The following TMEM132D variants were observed in gnomAD, a reference collection of about 807,000 sequenced individuals.
TMEM132D encodes transmembrane protein 132D, also known as mature OL transmembrane protein.
TMEM132D carries 21 observed loss-of-function variants against 62.3 expected under a neutral mutation model. The ratio of observed to expected loss-of-function variants is 0.34; its 90% CI spans 0.24 to 0.49. The LOEUF (loss-of-function observed/expected upper bound fraction) is 0.49, where lower values mean the gene tolerates loss of function less well. Ranked by LOEUF, TMEM132D falls within the 20% of genes least tolerant of loss-of-function variation. The pLI is 0.99. For missense variants in TMEM132D, 1,346 were observed against 1,402.8 expected (o/e 0.96, Z 0.65); for synonymous variants, 621 against 575.6 (o/e 1.08, Z -1.13).
chr12:129,340,794 G>A (rs1869451775), intron 3 of TMEM132D, among the ~76,000 whole-genome samples: 1 of 152,194 alleles, frequency 6.6e-6, no homozygotes. Flanking sequence ...GCACACGTAT[G>A]TTTATTGCGG....
At chr12:129,408,922 T>C (rs1871879135) in intron 3 of TMEM132D, among the ~76,000 whole-genome samples, 1 of 151,838 alleles carries the variant, frequency 6.6e-6, no homozygotes, top group Non-Finnish European at 1.5e-5. Flanking sequence ...TTTTTGTTTT[T>C]GTTTTTGTTT....
At chr12:129,276,064 C>T (rs906080232) in intron 4 of TMEM132D, among the ~76,000 whole-genome samples, 2 of 148,392 alleles carry the variant, frequency 1.3e-5, no homozygotes, top group Admixed American at 6.8e-5. Flanking sequence ...TTTGTTTTCT[C>T]AAGACAGAAG....
chr12:129,087,889 CGGGGTGTCCTCCCTGACCG>C (rs1874678766), intron 5 of TMEM132D, among the ~76,000 whole-genome samples: 6 of 70,054 alleles, frequency 8.6e-5, no homozygotes, highest in South Asian at 5.2e-4. Context: ...CCTCCCTGAC[CGGGGTGTCCTCCCTGACCG>C]GGGTGTCCTC....
chr12:129,627,575 T>C (rs554348339), intron 2 of TMEM132D, among the ~76,000 whole-genome samples: 2 of 152,280 alleles, frequency 1.3e-5, no homozygotes, highest in East Asian at 3.9e-4. Flanking sequence ...AGAAACCTTT[T>C]TTTTAGAGAA....
At chr12:129,302,180 T>C (rs925619318) in intron 4 of TMEM132D, among the ~76,000 whole-genome samples, 1 of 152,254 alleles carries the variant, frequency 6.6e-6, no homozygotes, top group Non-Finnish European at 1.5e-5. Context: ...AATGGCATGA[T>C]CTCGGCTCAC....
Position 129,530,991 on chromosome 12 carries a change from A to G in TMEM132D, c.1115+68T>C, listed in dbSNP as rs920447716. The G allele has an allele frequency of 2.6e-4, 224 of 846,214 alleles. No homozygotes were observed. The East Asian group carries it at 8.7e-3, about 33-fold the overall frequency. The allele number at this position is 846,214 out of a possible 1,614,324, so 52.4% of individuals were successfully genotyped here. On this transcript the variant is annotated intron_variant, in intron 3 of 8. Coordinates refer to ENST00000422113, the MANE Select transcript of TMEM132D (RefSeq NM_133448.3). ...TGGAAATGGTTGTTAGCAATCTAGGAAAAAAAAAAAAAAATCAGGCCACAT... is the reference window on the plus strand; with the variant it reads ...TGGAAATGGTTGTTAGCAATCTAGGGAAAAAAAAAAAAAATCAGGCCACAT...
At chr12:129,884,632 A>T (rs537340986) in intron 1 of TMEM132D, among the ~76,000 whole-genome samples, 47 of 152,384 alleles carry the variant, frequency 3.1e-4, no homozygotes, top group Non-Finnish European at 5.7e-4. Context: ...GTTGGCAAGA[A>T]TGTGGAACAG....
intron 2 of TMEM132D, among the ~76,000 whole-genome samples, chr12:129,660,154 T>TAA (rs1443473898): frequency 1.3e-5 from 2 of 151,926 alleles, no homozygotes; most frequent in African/African-American, 4.8e-5. Context: ...TCATGTATTG[T>TAA]AAAAGAGAGA....
intron 2 of TMEM132D, among the ~76,000 whole-genome samples, chr12:129,605,276 A>G (rs1459856313): frequency 6.6e-6 from 1 of 152,096 alleles, no homozygotes; most frequent in Non-Finnish European, 1.5e-5. Context: ...TGGGGACATT[A>G]GTTTTACCAC....
intron 2 of TMEM132D, among the ~76,000 whole-genome samples, chr12:129,695,544 T>C (rs922027141): frequency 6.6e-6 from 1 of 152,202 alleles, no homozygotes; most frequent in Non-Finnish European, 1.5e-5. Context: ...TGGACATTGG[T>C]ATAATTTGAA....
chr12:129,395,128 CA>C (rs767651643), intron 3 of TMEM132D, among the ~76,000 whole-genome samples: 1 of 151,982 alleles, frequency 6.6e-6, no homozygotes, highest in African/African-American at 2.4e-5. Flanking sequence ...ATGGGAGACA[CA>C]AAAGAGAAAT....
chr12:129,358,177 G>A (rs928416211), intron 3 of TMEM132D, among the ~76,000 whole-genome samples: 3 of 152,080 alleles, frequency 2.0e-5, no homozygotes, highest in African/African-American at 7.2e-5. Flanking sequence ...AAAAACAACT[G>A]GAAAGGTTGT....
At chr12:129,118,978 A>G (rs1875978778) in intron 5 of TMEM132D, among the ~76,000 whole-genome samples, 1 of 152,190 alleles carries the variant, frequency 6.6e-6, no homozygotes, top group South Asian at 2.1e-4. Flanking sequence ...AATGGAGTGC[A>G]CTTAGAAAGG....
At chr12:129,832,414 A>G (rs1323375710) in intron 1 of TMEM132D, among the ~76,000 whole-genome samples, 1 of 152,064 alleles carries the variant, frequency 6.6e-6, no homozygotes, top group Admixed American at 6.6e-5. Context: ...ATAACATGGT[A>G]TATAACATAT....
rs1873661331 is a variant in TMEM132D at position 129,461,316 on chromosome 12, A to G, written c.1115+69743T>C. 2.6e-5 allele frequency among the ~76,000 whole-genome samples: 4 copies of G among 152,144 alleles called. No homozygotes were observed. In the South Asian group the frequency reaches 8.3e-4, roughly 32 times the overall value. ...CTCTGGGAACCAAGCCCAGGTATAC[A>G]ATTGTACCTGAGAATCTCAGGGGAT... On this transcript the variant is annotated intron_variant, in intron 3 of 8. Transcript: ENST00000422113.
chr12:129,152,680 G>A (rs551500849), intron 5 of TMEM132D, among the ~76,000 whole-genome samples: 1 of 152,280 alleles, frequency 6.6e-6, no homozygotes, highest in East Asian at 1.9e-4. Context: ...CTGTGGGCCT[G>A]GGTGTAGGCT....
At chr12:129,585,960 T>C (rs1878019515) in intron 2 of TMEM132D, among the ~76,000 whole-genome samples, 1 of 152,136 alleles carries the variant, frequency 6.6e-6, no homozygotes, top group Non-Finnish European at 1.5e-5. Flanking sequence ...CATCCTATTA[T>C]ATGTCAAAAT....
At chr12:129,464,100 A>C (rs1174531681) in intron 3 of TMEM132D, among the ~76,000 whole-genome samples, 6 of 149,706 alleles carry the variant, frequency 4.0e-5, no homozygotes, top group African/African-American at 1.5e-4. Context: ...AACAGTGTAA[A>C]AGTGTTCCTA....
intron 3 of TMEM132D, among the ~76,000 whole-genome samples, chr12:129,349,816 G>T (rs150713867): frequency 3.7e-4 from 57 of 152,242 alleles, no homozygotes; most frequent in Admixed American, 2.0e-3. Flanking sequence ...CTTGCTAAAG[G>T]AAATAATTCC....
Sources: gnomAD v4.1 joint callset for allele counts (sites outside exome capture counted in the v4.1 genomes callset) on GRCh38, gnomAD v4.1.1 for gene constraint, MANE v1.5 for transcripts, NCBI Gene and HGNC (gene_info 2026-07-23, HGNC 2026-07-21) for gene names.